Variants in LTBP1 observed in about 807,000 individuals in gnomAD.
LTBP1 encodes the protein latent transforming growth factor beta binding protein 1.
In LTBP1, 129 loss-of-function variants were observed where a neutral mutation model predicts 207.6. The observed-to-expected ratio is 0.62, with a 90% confidence interval of 0.54 to 0.72. The LOEUF is 0.72. LTBP1 is among the 30% of genes least tolerant of loss of function. The probability of loss-of-function intolerance (pLI) is 0.00; values close to 1 mark genes in which losing one functional copy is unlikely to be tolerated. For synonymous variants in LTBP1, 963 were observed against 833.7 expected (o/e 1.16, Z -2.67); for missense variants, 2,281 against 2,217.2 (o/e 1.03, Z -0.58).
intron 2 of LTBP1, among the ~76,000 whole-genome samples, chr2:32,958,377 A>G (rs1290401772): frequency 6.6e-6 from 1 of 152,182 alleles, no homozygotes; most frequent in East Asian, 1.9e-4. Context: ...CCTGGGTACC[A>G]CTGCTTCTTC....
Position 33,110,581 on chromosome 2 carries a change from G to T in LTBP1, c.864-1G>T. ...CTTCTCTTTATTTTGTTTCTTCCCA[G>T]AGTGACTCCTCTTTCTTCCCAGAGT... On this transcript the variant is annotated splice_acceptor_variant, in intron 3 of 33. Transcript: ENST00000404816. LOFTEE classifies it high-confidence loss of function. 3.1e-6 allele frequency: 5 copies of T among 1,612,100 alleles called. No homozygotes were observed. Among genetic ancestry groups the T allele is most frequent in the Non-Finnish European group, 4.2e-6 (5 of 1,178,876 alleles).
At chr2:32,954,448 G>T (rs745660559) in intron 2 of LTBP1, among the ~76,000 whole-genome samples, 17 of 151,934 alleles carry the variant, frequency 1.1e-4, no homozygotes, top group Admixed American at 2.0e-4. Flanking sequence ...TCTCTTCCCT[G>T]TGTCTTTATA....
At chr2:32,969,722 G>C (rs1250196004) in intron 2 of LTBP1, among the ~76,000 whole-genome samples, 1 of 152,106 alleles carries the variant, frequency 6.6e-6, no homozygotes, top group Non-Finnish European at 1.5e-5. Flanking sequence ...CGTGAATAGT[G>C]CTGTGATGAA....
At chr2:32,974,229 G>A (rs1681359695) in intron 2 of LTBP1, among the ~76,000 whole-genome samples, 1 of 152,110 alleles carries the variant, frequency 6.6e-6, no homozygotes, top group Non-Finnish European at 1.5e-5. Context: ...GCGTATGAAG[G>A]TTCCCTTTTC....
chr2:33,271,397 C>T (rs1310073475), intron 15 of LTBP1, among the ~76,000 whole-genome samples: 1 of 151,994 alleles, frequency 6.6e-6, no homozygotes, highest in Non-Finnish European at 1.5e-5. Context: ...GGAAAAAACC[C>T]AAGAAATCTA....
At chr2:33,023,369 C>A (rs1178854382) in intron 3 of LTBP1, among the ~76,000 whole-genome samples, 1 of 152,128 alleles carries the variant, frequency 6.6e-6, no homozygotes, top group Non-Finnish European at 1.5e-5. Flanking sequence ...GATAAAGGAA[C>A]AGTCTATTTT....
At chr2:32,964,575 G>A (rs1679651599) in intron 2 of LTBP1, among the ~76,000 whole-genome samples, 2 of 151,898 alleles carry the variant, frequency 1.3e-5, no homozygotes, top group South Asian at 4.1e-4. Context: ...GTAGCATGTA[G>A]CTATTTCCAA....
chr2:33,012,193 G>A (rs1460890605), intron 2 of LTBP1, among the ~76,000 whole-genome samples: 1 of 151,242 alleles, frequency 6.6e-6, no homozygotes, highest in East Asian at 2.0e-4. Flanking sequence ...ATTGAGCATA[G>A]AATTGTCACT....
chr2:33,187,584 G>A (rs1341240352), intron 6 of LTBP1, among the ~76,000 whole-genome samples: 4 of 152,150 alleles, frequency 2.6e-5, no homozygotes, highest in South Asian at 2.1e-4. Flanking sequence ...ATTCTATGAC[G>A]AATTCATCCT....
intron 3 of LTBP1, among the ~76,000 whole-genome samples, chr2:33,049,623 A>C (rs2076623809): frequency 6.6e-6 from 1 of 152,204 alleles, no homozygotes; most frequent in African/African-American, 2.4e-5. Flanking sequence ...CTACTTAAAA[A>C]AATTTAAATT....
intron 3 of LTBP1, among the ~76,000 whole-genome samples, chr2:33,058,998 A>T (rs1360939651): frequency 6.6e-6 from 1 of 152,210 alleles, no homozygotes; most frequent in Non-Finnish European, 1.5e-5. Flanking sequence ...ACAGCCATAC[A>T]CATTTACTGC....
chr2:33,205,754 A>G (rs941856461), intron 7 of LTBP1, among the ~76,000 whole-genome samples: 9 of 152,156 alleles, frequency 5.9e-5, no homozygotes, highest in Admixed American at 3.9e-4. Flanking sequence ...CCAAACCCCA[A>G]TGCAGCTATA....
chr2:33,294,787 C>T (rs1007794243), intron 20 of LTBP1, among the ~76,000 whole-genome samples: 4 of 151,780 alleles, frequency 2.6e-5, no homozygotes, highest in Non-Finnish European at 4.4e-5. Flanking sequence ...CCATATTGGT[C>T]AGGCTGGTCT....
chr2:33,182,927 A>G (rs1319459129), intron 5 of LTBP1, among the ~76,000 whole-genome samples: 1 of 148,826 alleles, frequency 6.7e-6, no homozygotes. Flanking sequence ...AATGAAAAAA[A>G]TAGTACAGCT....
intron 3 of LTBP1, among the ~76,000 whole-genome samples, chr2:33,102,033 T>G (rs2079769337): frequency 6.6e-6 from 1 of 152,126 alleles, no homozygotes; most frequent in Non-Finnish European, 1.5e-5. Flanking sequence ...AACTTGAGTA[T>G]AGGGCCACCT....
At chr2:33,107,062 A>T (rs553518963) in intron 3 of LTBP1, among the ~76,000 whole-genome samples, 1 of 152,306 alleles carries the variant, frequency 6.6e-6, no homozygotes, top group East Asian at 1.9e-4. Context: ...AGTGTACTTG[A>T]ACTACCGGGT....
chr2:32,993,128 A>G (rs1216454515), intron 2 of LTBP1, among the ~76,000 whole-genome samples: 1 of 151,922 alleles, frequency 6.6e-6, no homozygotes, highest in Non-Finnish European at 1.5e-5. Context: ...GGAGGTGGAA[A>G]ATGCAGCATG....
At chr2:33,295,893 G>A (rs1027729384) in intron 20 of LTBP1, among the ~76,000 whole-genome samples, 1 of 152,140 alleles carries the variant, frequency 6.6e-6, no homozygotes, top group Admixed American at 6.5e-5. Flanking sequence ...GGAACATGCA[G>A]GCATCTGGAT....
intron 2 of LTBP1, among the ~76,000 whole-genome samples, chr2:33,005,689 C>A (rs1269708167): frequency 6.7e-6 from 1 of 150,178 alleles, no homozygotes; most frequent in Non-Finnish European, 1.5e-5. Context: ...CAGGCTCAAG[C>A]AATTCTCGTC....
Sources: gnomAD v4.1 joint callset for allele counts (sites outside exome capture counted in the v4.1 genomes callset) on GRCh38, gnomAD v4.1.1 for gene constraint, MANE v1.5 for transcripts, NCBI Gene and HGNC (gene_info 2026-07-23, HGNC 2026-07-21) for gene names.